Variants in PAG1 observed in about 807,000 individuals in gnomAD.
PAG1 encodes phosphoprotein membrane anchor with glycosphingolipid microdomains 1.
Under a neutral mutation model 31.7 loss-of-function variants are expected in PAG1, and 23 were observed. The ratio of observed to expected loss-of-function variants is 0.73; its 90% confidence interval spans 0.52 to 1.03. The LOEUF is 1.03. Ranked by LOEUF, PAG1 falls within the 50% of genes least tolerant of loss-of-function variation. The pLI is 0.00. For missense variants in PAG1, 473 were observed against 540.7 expected (o/e 0.87, Z 1.24); for synonymous variants, 214 against 210.3 (o/e 1.02, Z -0.15).
intron 1 of PAG1, among the ~76,000 whole-genome samples, chr8:81,071,598 A>G (rs1401908623): frequency 6.6e-6 from 1 of 152,168 alleles, no homozygotes; most frequent in African/African-American, 2.4e-5. Context: ...GTGGAGAAAC[A>G]ATTATTTTGA....
intron 1 of PAG1, among the ~76,000 whole-genome samples, chr8:81,084,701 T>G (rs899604424): frequency 1.3e-5 from 2 of 152,196 alleles, no homozygotes; most frequent in South Asian, 2.1e-4. Context: ...AAGATTATAT[T>G]TATATTATCT....
At chr8:81,030,316 C>G (rs981615291) in intron 2 of PAG1, among the ~76,000 whole-genome samples, 4 of 152,206 alleles carry the variant, frequency 2.6e-5, no homozygotes, top group Admixed American at 2.6e-4. Context: ...ATCTCCCCAT[C>G]CACCCAAAAA....
chr8:80,985,242 G>A lies in PAG1; in HGVS notation c.410C>T (p.Pro137Leu). The A allele has an allele frequency of 8.1e-6, 13 of 1,614,166 alleles. No homozygotes were observed. The highest frequency in any genetic ancestry group is 1.1e-5 in the Non-Finnish European group (13 of 1,180,030). ...CHQSRELPRI[P>L]PESAVDTMLT... ...CATGGTATCCACTGCGCTCTCGGGA[G>A]GGATTCTGGGCAGCTCCCGACTCTG... Residue 137 changes from proline to leucine, a missense_variant, in exon 7 of 9, where the codon CCT (proline) becomes CTT (leucine). Coordinates refer to ENST00000220597, the MANE Select transcript of PAG1 (RefSeq NM_018440.4).
chr8:81,105,333 G>A (rs972371705), intron 1 of PAG1, among the ~76,000 whole-genome samples: 7 of 152,092 alleles, frequency 4.6e-5, no homozygotes, highest in Non-Finnish European at 7.3e-5. Flanking sequence ...TATATCTGGT[G>A]AATGTATAAA....
chr8:80,980,356 C>A, intron 8 of PAG1, 79 bp downstream of exon 8: 1 of 795,314 alleles, frequency 1.3e-6, no homozygotes. Flanking sequence ...CAAAGGGTAA[C>A]ATTACAGTGC....
intron 7 of PAG1, among the ~76,000 whole-genome samples, chr8:80,983,421 G>A (rs1013944693): frequency 2.6e-5 from 4 of 152,094 alleles, no homozygotes; most frequent in African/African-American, 9.7e-5. Flanking sequence ...AGTTCCACAG[G>A]GCAGGGATTT....
chr8:80,997,303 G>A lies in PAG1; in HGVS notation c.-80-3996C>T, dbSNP rs114566018. Among the ~76,000 whole-genome samples, 898 of 151,940 alleles carry A rather than the reference G, an allele frequency of 5.9e-3. 8 individuals carry two copies. The highest frequency in any genetic ancestry group is 0.02 in the African/African-American group (820 of 41,436). ...TTATTTCTTCTTTTTTTTGAGACAG[G>A]GTCTTGCTCTGTCACCTAGGCTGGA... On this transcript the variant is annotated intron_variant, in intron 3 of 8. Coordinates refer to ENST00000220597, the MANE Select transcript of PAG1 (RefSeq NM_018440.4).
intron 4 of PAG1, among the ~76,000 whole-genome samples, chr8:80,992,788 C>T (rs867350618): frequency 1.2e-4 from 19 of 152,104 alleles, no homozygotes; most frequent in African/African-American, 3.9e-4. Context: ...TCAAAATGCC[C>T]GCACATGAAA....
chr8:81,063,310 G>A (rs1808948309), intron 2 of PAG1, among the ~76,000 whole-genome samples: 1 of 152,092 alleles, frequency 6.6e-6, no homozygotes, highest in South Asian at 2.1e-4. Context: ...CACAAAAGAA[G>A]TATCTTTTTT....
rs187911424 is a variant in PAG1, at chr8:81,107,071, C to T, written c.-234+4520G>A. On this transcript the variant is annotated intron_variant, in intron 1 of 8. Transcript: ENST00000220597. ...TCCTTTTTTTTTAGTGAGAATGATG[C>T]AAGTATGTGACACTAAACACAGATA... Among the ~76,000 whole-genome samples, 50 of 152,080 alleles carry T rather than the reference C, an allele frequency of 3.3e-4. No homozygotes were observed. In the East Asian group the frequency reaches 6.6e-3, roughly 20 times the overall value.
chr8:81,001,499 G>A (rs557225717), intron 3 of PAG1, among the ~76,000 whole-genome samples: 1 of 152,286 alleles, frequency 6.6e-6, no homozygotes, highest in South Asian at 2.1e-4. Context: ...GGCCAGGGTA[G>A]GTTGGTCTCC....
rs3940936 is a variant in PAG1 at position 80,969,674 on chromosome 8, A to G, written c.*6870T>C. 8.5e-5 allele frequency: 13 copies of G among 152,258 alleles called. No homozygotes were observed. Among genetic ancestry groups the G allele is most frequent in the African/African-American group, 3.1e-4 (13 of 41,472 alleles). The allele number at this position is 152,258 out of a possible 1,614,324, so 9.4% of individuals were successfully genotyped here. On this transcript the variant is annotated 3_prime_UTR_variant, in exon 9 of 9. Transcript: ENST00000220597. ...AGGGGAACTTTAAAAAACTAAATGTATAAAGAGAATGAGCAGAGATATCTG... is the reference window on the plus strand; with the variant it reads ...AGGGGAACTTTAAAAAACTAAATGTGTAAAGAGAATGAGCAGAGATATCTG...
intron 1 of PAG1, among the ~76,000 whole-genome samples, chr8:81,108,142 G>C (rs1283813257): frequency 1.3e-5 from 2 of 152,314 alleles, no homozygotes; most frequent in East Asian, 3.9e-4. Context: ...TGAGGAGTTA[G>C]TTAATAATAA....
chr8:81,054,068 C>T (rs1157459725), intron 2 of PAG1, among the ~76,000 whole-genome samples: 1 of 152,130 alleles, frequency 6.6e-6, no homozygotes, highest in Non-Finnish European at 1.5e-5. Flanking sequence ...ATGTATTCAG[C>T]TTGCAGGTCA....
chr8:81,047,753 CAT>C (rs1198366826), intron 2 of PAG1, among the ~76,000 whole-genome samples: 2 of 152,178 alleles, frequency 1.3e-5, no homozygotes, highest in Non-Finnish European at 2.9e-5. Context: ...CTCTCTGCAA[CAT>C]ATCCTTACAT....
At chr8:81,045,358 G>C (rs968561328) in intron 2 of PAG1, among the ~76,000 whole-genome samples, 6 of 152,112 alleles carry the variant, frequency 3.9e-5, no homozygotes, top group Non-Finnish European at 7.4e-5. Flanking sequence ...ACTAGATTTT[G>C]CCATCAGCTA....
At chr8:80,993,829 C>T (rs543674829) in intron 3 of PAG1, among the ~76,000 whole-genome samples, 1 of 152,138 alleles carries the variant, frequency 6.6e-6, no homozygotes, top group South Asian at 2.1e-4. Flanking sequence ...TGGTCTTGGA[C>T]TCCTGGGCTC....
chr8:81,085,983 T>G lies in PAG1; in HGVS notation c.-233-15813A>C, dbSNP rs537454682. On this transcript the variant is annotated intron_variant, in intron 1 of 8. Transcript: ENST00000220597. ...TTTTAATCTGGCTTGTTTTTTTTTT[T>G]TTTTTTTTTTTTTTTTGAGACGGAG... 2.4e-4 allele frequency among the ~76,000 whole-genome samples: 29 copies of G among 123,268 alleles called. 1 individual carries two copies. The South Asian group carries it at 6.3e-3, about 27-fold the overall frequency. 80.9% of individuals were successfully genotyped at this position (123,268 alleles called of 152,430 possible).
intron 2 of PAG1, among the ~76,000 whole-genome samples, chr8:81,053,135 A>G (rs1169177137): frequency 1.3e-5 from 2 of 152,256 alleles, no homozygotes; most frequent in Non-Finnish European, 2.9e-5. Context: ...AAGAATGAAC[A>G]TGAATGTATT....
Sources: gnomAD v4.1 joint callset for allele counts (sites outside exome capture counted in the v4.1 genomes callset) on GRCh38, gnomAD v4.1.1 for gene constraint, MANE v1.5 for transcripts, NCBI Gene and HGNC (gene_info 2026-07-23, HGNC 2026-07-21) for gene names.